The following CCDC88A variants were observed in gnomAD, a reference collection of about 807,000 sequenced individuals.
CCDC88A encodes coiled-coil and HOOK domain protein 88A.
In CCDC88A, 54 loss-of-function variants were observed where a neutral mutation model predicts 234.3. The ratio of observed to expected loss-of-function variants is 0.23; its 90% CI spans 0.19 to 0.29. CCDC88A has a LOEUF of 0.29. Ranked by LOEUF, CCDC88A falls within the 10% of genes least tolerant of loss-of-function variation. The pLI is 1.00. For synonymous variants in CCDC88A, 753 were observed against 737.8 expected (o/e 1.02, Z -0.33); for missense variants, 1,832 against 2,123.4 (o/e 0.86, Z 2.70).
intron 7 of CCDC88A, chr2:55,361,995 A>G (rs969096675): frequency 4.2e-5 from 8 of 191,412 alleles, no homozygotes; most frequent in African/African-American, 6.9e-5. Flanking sequence ...TTCCACTTAC[A>G]TCAACTATAT....
Position 55,419,344 on chromosome 2 carries a change from G to A in CCDC88A, c.-265C>T, listed in dbSNP as rs1681965653. On this transcript the variant is annotated 5_prime_UTR_variant, in exon 1 of 33. Transcript: ENST00000436346. ...TCTGTACCGGGCGAGGAGGGGCAGA[G>A]AAAAGGCATCTGGAGGAGGAGGAAG... The A allele has an allele frequency of 4.6e-6, 2 of 436,170 alleles. No homozygotes were observed. Among genetic ancestry groups the A allele is most frequent in the South Asian group, 2.7e-5 (1 of 37,246 alleles). The allele number at this position is 436,170 out of a possible 1,614,324, so 27.0% of individuals were successfully genotyped here. A position where few individuals can be genotyped will look rare whatever the true frequency, so the allele number is the denominator to read the frequency against.
rs35015971 is a variant in CCDC88A at position 55,357,308 on chromosome 2, ATTCC to A, written c.628-1561_628-1558del. ...CTTCCTTCTGCTTCCCATCTCAAAA[ATTCC>A]TTCCTTCCTTCCTTCCTTCTTTCCT... is the stretch of plus-strand genomic sequence containing the variant. On this transcript the variant is annotated intron_variant, in intron 7 of 32. Coordinates refer to ENST00000436346, the MANE Select transcript of CCDC88A (RefSeq NM_001365480.1). 7.2e-3 allele frequency among the ~76,000 whole-genome samples: 1,045 copies of A among 145,902 alleles called. 6 individuals carry two copies. The highest frequency in any genetic ancestry group is 0.013 in the East Asian group (61 of 4,708).
chr2:55,298,133 G>A (rs1036754385), intron 29 of CCDC88A, among the ~76,000 whole-genome samples: 6 of 152,062 alleles, frequency 3.9e-5, no homozygotes, highest in Non-Finnish European at 7.4e-5. Context: ...TTAAGAGTAC[G>A]GATTTGTTTT....
At position 55,388,779 on chromosome 2, in the gene CCDC88A, TG is replaced by T; in HGVS notation, c.271del (p.Gln91ArgfsTer7). On this transcript the variant is annotated frameshift_variant and splice_region_variant, in exon 3 of 33. Coordinates refer to ENST00000436346, the MANE Select transcript of CCDC88A (RefSeq NM_001365480.1). LOFTEE classifies it high-confidence loss of function. ...CAGATTTTTAAAAAGAGCACTTACC[TG>T]GTAATAAAATTTTATCTGTCTCACC... ...ILVRQIKFYY[Q>X]ETLQQLIMMS... 1 of 1,220,698 alleles carries T rather than the reference TG, an allele frequency of 8.2e-7. No homozygotes were observed. Among genetic ancestry groups the T allele is most frequent in the Non-Finnish European group, 1.2e-6 (1 of 848,422 alleles). The allele number at this position is 1,220,698 out of a possible 1,614,324, so 75.6% of individuals were successfully genotyped here.
intron 2 of CCDC88A, among the ~76,000 whole-genome samples, chr2:55,416,296 A>G (rs1681371099): frequency 6.6e-6 from 1 of 150,636 alleles, no homozygotes; most frequent in African/African-American, 2.4e-5. Context: ...ATTTGGAGAC[A>G]TCACAACAGA....
intron 17 of CCDC88A, among the ~76,000 whole-genome samples, chr2:55,325,376 T>C (rs1684136300): frequency 6.6e-6 from 1 of 152,240 alleles, no homozygotes; most frequent in Non-Finnish European, 1.5e-5. Context: ...TTTTATATAT[T>C]GACTTTTATC....
At chr2:55,377,598 T>C (rs1673885307) in intron 3 of CCDC88A, among the ~76,000 whole-genome samples, 1 of 151,970 alleles carries the variant, frequency 6.6e-6, no homozygotes, top group Non-Finnish European at 1.5e-5. Flanking sequence ...TTTAATTTTT[T>C]ATTTATTTTT....
At chr2:55,314,232 A>T (rs1682692468) in intron 22 of CCDC88A, 1 of 152,354 alleles carries the variant, frequency 6.6e-6, no homozygotes, top group African/African-American at 2.4e-5. Flanking sequence ...TGCAGGAGCA[A>T]ACCCCTGGCC....
In CCDC88A at chr2:55,347,606, C is replaced by CT. The variant is rs547733323; in HGVS notation, c.883-1274dup. On this transcript the variant is annotated intron_variant, in intron 9 of 32. Transcript: ENST00000436346. ...ATACCTATGTTATCTATTCATCTAC[C>CT]TTTTTTTTTTTTTTTTTTTTGAGAC... Among the ~76,000 whole-genome samples, 732 of 102,132 alleles carry CT rather than the reference C, an allele frequency of 7.2e-3. 29 individuals carry two copies. The highest frequency in any genetic ancestry group is 0.015 in the African/African-American group (372 of 25,352). 67.0% of individuals were successfully genotyped at this position (102,132 alleles called of 152,430 possible).
At chr2:55,312,336 A>G (rs1682448918) in intron 23 of CCDC88A, 98 bp downstream of exon 23, 1 of 1,072,728 alleles carries the variant, frequency 9.3e-7, no homozygotes, top group South Asian at 1.7e-5. Flanking sequence ...TTTGTTGAAA[A>G]TCAGTAAAAA....
chr2:55,411,224 T>G (rs1312374909), intron 2 of CCDC88A, among the ~76,000 whole-genome samples: 1 of 152,174 alleles, frequency 6.6e-6, no homozygotes, highest in Non-Finnish European at 1.5e-5. Flanking sequence ...TAAAAGAAAG[T>G]CAGCTGGTGT....
chr2:55,307,305 T>C (rs938383163), intron 25 of CCDC88A, among the ~76,000 whole-genome samples: 10 of 152,182 alleles, frequency 6.6e-5, no homozygotes, highest in African/African-American at 2.4e-4. Context: ...ACTTCTAAAT[T>C]TGTAATAAAA....
intron 3 of CCDC88A, among the ~76,000 whole-genome samples, chr2:55,375,469 CTATATATATATATATATATATATA>C (rs869279076): frequency 1.1e-4 from 3 of 26,606 alleles, no homozygotes; most frequent in African/African-American, 2.7e-4. Flanking sequence ...TGTCACTGTA[CTATATATATATATATATATATATA>C]TATATATATA....
At chr2:55,298,879 AAAAAAAAAAAAAAACAC>A (rs1680525623) in intron 29 of CCDC88A, among the ~76,000 whole-genome samples, 1 of 150,560 alleles carries the variant, frequency 6.6e-6, no homozygotes, top group Non-Finnish European at 1.5e-5. Context: ...GTCTCAAAAA[AAAAAAAAAAAAAAACAC>A]AAAAAAACAA....
Position 55,374,863 on chromosome 2 carries a change from G to T in CCDC88A, c.294C>A (p.Ile98=), listed in dbSNP as rs368381653. The change falls in exon 4 of 33, where the codon ATC becomes ATA. Residue 98 remains isoleucine (I), a synonymous_variant. Coordinates refer to ENST00000436346, the MANE Select transcript of CCDC88A (RefSeq NM_001365480.1). ...FYYQETLQQL[I]MMSLPNVLII... is the part of the protein sequence containing the mutation. ...TTAAGACATTTGGCAACGACATCAT[G>T]ATCAATTGCTGCAAAGTCTCCTGTA... The T allele has an allele frequency of 1.3e-5, 21 of 1,607,022 alleles. No homozygotes were observed. In the African/African-American group the frequency reaches 2.8e-4, roughly 21 times the overall value.
chr2:55,372,115 G>A lies in CCDC88A; in HGVS notation c.402+337C>T, dbSNP rs1176881233. Among the ~76,000 whole-genome samples the A allele has an allele frequency of 2.6e-5, 4 of 151,026 alleles. No individual in the cohort carries two copies. The South Asian group carries it at 6.3e-4, about 24-fold the overall frequency. The stretch of plus-strand genomic sequence containing the variant: ...CCTTCCCTTCTCCTGAAACATACAC[G>A]AGTACAACATAAATCACAAGGATGT... On this transcript the variant is annotated intron_variant, in intron 5 of 32. Coordinates refer to ENST00000436346, the MANE Select transcript of CCDC88A (RefSeq NM_001365480.1).
At chr2:55,308,734 G>C in intron 25 of CCDC88A, 75 bp downstream of exon 25, 1 of 1,038,046 alleles carries the variant, frequency 9.6e-7, no homozygotes, top group Non-Finnish European at 1.5e-6. Context: ...TTCCCCCAAA[G>C]GACTACTGAA....
chr2:55,339,282 T>C, intron 13 of CCDC88A, 182 bp downstream of exon 13: 1 of 584,748 alleles, frequency 1.7e-6, no homozygotes, highest in Non-Finnish European at 2.8e-6. Flanking sequence ...AAGTTCTTAA[T>C]TGCTGAAGCT....
In CCDC88A at chr2:55,346,434, T is replaced by A. The variant is rs189894354; in HGVS notation, c.883-101A>T. 938 of 655,326 alleles carry A rather than the reference T, an allele frequency of 1.4e-3. 10 individuals are homozygous for A. The African/African-American group carries it at 0.017, about 12-fold the overall frequency. The allele number at this position is 655,326 out of a possible 1,614,324, so 40.6% of individuals were successfully genotyped here. On this transcript the variant is annotated intron_variant, in intron 9 of 32. Coordinates refer to ENST00000436346, the MANE Select transcript of CCDC88A (RefSeq NM_001365480.1). ...TTTTATTTATTTATTTATTTATTTA[T>A]TTGAGATGGAGTTTCACTCTTGTTG... is the stretch of plus-strand genomic sequence containing the variant.
Sources: gnomAD v4.1 joint callset for allele counts (sites outside exome capture counted in the v4.1 genomes callset) on GRCh38, gnomAD v4.1.1 for gene constraint, MANE v1.5 for transcripts, NCBI Gene and HGNC (gene_info 2026-07-23, HGNC 2026-07-21) for gene names.